AFM: variants seen among roughly 807,000 people sequenced by gnomAD.
The protein encoded by AFM is alpha-Alb.
Under a neutral mutation model 68.7 loss-of-function variants are expected in AFM, and 82 were observed. The observed-to-expected ratio is 1.19, with a 90% CI of 1.00 to 1.43. The LOEUF is 1.43. Ranked by LOEUF, AFM falls within the 40% of genes most tolerant of loss-of-function variation. AFM has a pLI of 0.00. For synonymous variants in AFM, 250 were observed against 234.2 expected (o/e 1.07, Z -0.61); for missense variants, 772 against 701.8 (o/e 1.10, Z -1.13).
chr4:73,482,110 G>A (rs186843635), intron 1 of AFM, among the ~76,000 whole-genome samples: 1 of 152,318 alleles, frequency 6.6e-6, no homozygotes, highest in African/African-American at 2.4e-5. Context: ...GTCTATGACA[G>A]GACAGAAAGT....
rs1417776776 is a variant in AFM at position 73,484,262 on chromosome 4, A to T, written c.142A>T (p.Ile48Phe). ...ACCCCATGTGAACTGTTGCAGCACCATCATTGCATTTGCTCAGTATGTTCA... is the reference window on the plus strand; with the variant it reads ...ACCCCATGTGAACTGTTGCAGCACCTTCATTGCATTTGCTCAGTATGTTCA... ...FIEDNIEYIT[I>F]IAFAQYVQEA... The change falls in exon 3 of 15, where the codon ATC (isoleucine) becomes TTC (phenylalanine). Residue 48 changes from isoleucine (I) to phenylalanine (F), a missense_variant. Coordinates refer to ENST00000226355, the MANE Select transcript of AFM (RefSeq NM_001133.2). 1 of 1,608,366 alleles carries T rather than the reference A, an allele frequency of 6.2e-7. No individual in the cohort carries two copies. The highest frequency in any genetic ancestry group is 1.1e-5 in the South Asian group (1 of 89,702).
chr4:73,487,163 T>C, intron 5 of AFM, 64 bp downstream of exon 5: 2 of 1,547,880 alleles, frequency 1.3e-6, no homozygotes, highest in Non-Finnish European at 1.8e-6. Flanking sequence ...ATCCAGACCC[T>C]GACTTATATT....
At chr4:73,486,572 T>C (rs1282109183) in intron 4 of AFM, among the ~76,000 whole-genome samples, 1 of 152,176 alleles carries the variant, frequency 6.6e-6, no homozygotes, top group Non-Finnish European at 1.5e-5. Context: ...GAATCTCAGA[T>C]AGAGTGTGTA....
intron 8 of AFM, chr4:73,495,040 T>C: frequency 3.8e-6 from 1 of 260,404 alleles, no homozygotes; most frequent in Non-Finnish European, 7.1e-6. Flanking sequence ...ATCATTCCAA[T>C]AATTAGTTCC....
intron 6 of AFM, among the ~76,000 whole-genome samples, 180 bp downstream of exon 6, chr4:73,488,001 G>A (rs1269105669): frequency 6.6e-6 from 1 of 151,998 alleles, no homozygotes; most frequent in East Asian, 1.9e-4. Context: ...GAGAAGTTTT[G>A]GGAGGTGAGG....
intron 14 of AFM, among the ~76,000 whole-genome samples, chr4:73,503,496 T>C (rs1458348918): frequency 6.6e-6 from 1 of 152,164 alleles, no homozygotes; most frequent in African/African-American, 2.4e-5. Flanking sequence ...CAGACCTCAG[T>C]GACCCTTTCC....
chr4:73,484,463 TTTC>T (rs1720817759), intron 3 of AFM, 73 bp downstream of exon 3: 6 of 512,310 alleles, frequency 1.2e-5, no homozygotes, highest in South Asian at 4.7e-5. Flanking sequence ...TCTTTCTTTC[TTTC>T]TTTCTTTCTT....
At chr4:73,499,272 A>G (rs1321143268) in intron 11 of AFM, 26 bp downstream of exon 11, 2 of 1,399,776 alleles carry the variant, frequency 1.4e-6, no homozygotes, top group Non-Finnish European at 1.9e-6. Flanking sequence ...GTACCAGACT[A>G]CTCTTTTTTT....
intron 10 of AFM, among the ~76,000 whole-genome samples, chr4:73,498,123 C>G (rs1027584951): frequency 6.6e-6 from 1 of 152,080 alleles, no homozygotes; most frequent in African/African-American, 2.4e-5. Flanking sequence ...CCTTGCCTTA[C>G]GGCTATCTTA....
At chr4:73,498,677 T>A (rs1238245911) in intron 10 of AFM, among the ~76,000 whole-genome samples, 1 of 152,228 alleles carries the variant, frequency 6.6e-6, no homozygotes, top group Admixed American at 6.5e-5. Context: ...AATTTGGCTG[T>A]TAGCTGACAA....
intron 9 of AFM, among the ~76,000 whole-genome samples, chr4:73,497,267 G>A (rs983224977): frequency 1.3e-5 from 2 of 152,170 alleles, no homozygotes; most frequent in African/African-American, 4.8e-5. Context: ...GGTATTCTGG[G>A]TAAGTCACTT....
chr4:73,494,002 C>G (rs1287236250), intron 8 of AFM, among the ~76,000 whole-genome samples: 1 of 151,968 alleles, frequency 6.6e-6, no homozygotes, highest in African/African-American at 2.4e-5. Context: ...AGTGGCTTCT[C>G]CAGCCTAGAG....
In AFM at chr4:73,497,520, C is replaced by T. The variant is rs141215030; in HGVS notation, c.1192-132C>T. On this transcript the variant is annotated intron_variant, in intron 9 of 14. Coordinates refer to ENST00000226355, the MANE Select transcript of AFM (RefSeq NM_001133.2). ...TTCTTGCACGTGCTTGTAAAAAGTGCCCTGAATTTAGTGTAATAATGAGAA... is the reference window on the plus strand; with the variant it reads ...TTCTTGCACGTGCTTGTAAAAAGTGTCCTGAATTTAGTGTAATAATGAGAA... 1,309 of 439,872 alleles carry T rather than the reference C, an allele frequency of 3.0e-3. 10 individuals are homozygous for T. Among genetic ancestry groups the T allele is most frequent in the African/African-American group, 0.022 (1,076 of 48,700 alleles). 27.2% of individuals were successfully genotyped at this position (439,872 alleles called of 1,614,324 possible). A position where few individuals can be genotyped will look rare whatever the true frequency, so the allele number is the denominator to read the frequency against.
chr4:73,488,017 CA>C (rs1720956507), intron 6 of AFM, among the ~76,000 whole-genome samples, 196 bp downstream of exon 6: 1 of 151,872 alleles, frequency 6.6e-6, no homozygotes. Flanking sequence ...TGAGGAGACC[CA>C]AAAGAGAATG....
chr4:73,501,974 TAAAAC>T, intron 13 of AFM, 55 bp downstream of exon 13: 1 of 1,590,392 alleles, frequency 6.3e-7, no homozygotes. Flanking sequence ...TCAAATAAAA[TAAAAC>T]AGAACCCTGC....
rs62312078 is a variant in AFM, at chr4:73,500,870, A to T, written c.1646+643A>T. Among the ~76,000 whole-genome samples the T allele has an allele frequency of 1.0e-2, 1,517 of 152,098 alleles. 13 individuals are homozygous for T. Among genetic ancestry groups the T allele is most frequent in the Non-Finnish European group, 0.016 (1,084 of 67,970 alleles). ...TATTCATAGATTCACAGTGCAATAC[A>T]CTCTTGTATTTTCCAGTCCATCCTA... On this transcript the variant is annotated intron_variant, in intron 12 of 14. Transcript: ENST00000226355.
At chr4:73,494,511 G>C (rs1721198774) in intron 8 of AFM, among the ~76,000 whole-genome samples, 2 of 152,060 alleles carry the variant, frequency 1.3e-5, no homozygotes, top group Non-Finnish European at 2.9e-5. Flanking sequence ...GGGGACTTAG[G>C]GTCAAATTTT....
Position 73,485,997 on chromosome 4 carries a change from C to G in AFM, c.406C>G (p.Leu136Val). 6.2e-7 allele frequency: 1 copy of G among 1,614,060 alleles called. No individual in the cohort carries two copies. The highest frequency in any genetic ancestry group is 8.5e-7 in the Non-Finnish European group (1 of 1,179,974). The change falls in exon 4 of 15, where the codon CTG (leucine) becomes GTG (valine). Residue 136 changes from leucine to valine, a missense_variant. Transcript: ENST00000226355. ...FYNKKSDVGFLPPFPTLDPEE... is the reference protein window; with the variant it reads ...FYNKKSDVGFVPPFPTLDPEE... ...TAACAAGAAATCTGATGTGGGATTT[C>G]TGCCTCCTTTCCCTACCCTGGATCC...
In AFM at chr4:73,482,996, A is replaced by G. The variant is rs551563402; in HGVS notation, c.89-945A>G. Reference sequence around the variant, plus strand: ...TACAAGACTCCTATAATCTGGGCCCAGGTTCTTTCTATCCTAGGTACCATT... The same window carrying G: ...TACAAGACTCCTATAATCTGGGCCCGGGTTCTTTCTATCCTAGGTACCATT... On this transcript the variant is annotated intron_variant, in intron 1 of 14. Coordinates refer to ENST00000226355, the MANE Select transcript of AFM (RefSeq NM_001133.2). 4.6e-5 allele frequency among the ~76,000 whole-genome samples: 7 copies of G among 152,306 alleles called. No homozygotes were observed. In the East Asian group the frequency reaches 1.2e-3, roughly 25 times the overall value.
Sources: allele counts gnomAD v4.1 joint callset (sites outside exome capture counted in the v4.1 genomes callset), GRCh38; gene constraint gnomAD v4.1.1; transcripts MANE v1.5; gene names NCBI Gene and HGNC (gene_info 2026-07-23, HGNC 2026-07-21).